SNX29: variants seen among roughly 807,000 people sequenced by gnomAD.
SNX29 encodes the protein sorting nexin-29.
Under a neutral mutation model 102.1 loss-of-function variants are expected in SNX29, and 78 were observed. The observed-to-expected ratio is 0.76, with a 90% CI of 0.64 to 0.92. SNX29 has a LOEUF of 0.92. Ranked by LOEUF, SNX29 falls within the 40% of genes least tolerant of loss-of-function variation. SNX29 has a pLI of 0.00. For missense variants in SNX29, 1,280 were observed against 1,061.7 expected (o/e 1.21, Z -2.86); for synonymous variants, 580 against 414.5 (o/e 1.40, Z -4.85).
At chr16:12,328,107 T>TTGGTAAAATGGAGCTGCA (rs1461434653) in intron 15 of SNX29, among the ~76,000 whole-genome samples, 1 of 152,194 alleles carries the variant, frequency 6.6e-6, no homozygotes, top group African/African-American at 2.4e-5. Flanking sequence ...GAGCTGCACA[T>TTGGTAAAATGGAGCTGCA]ACCTCTCCCT....
In SNX29 at chr16:12,054,785, G is replaced by C. The variant is rs113559863; in HGVS notation, c.1124+2563G>C. On this transcript the variant is annotated intron_variant, in intron 8 of 20. Coordinates refer to ENST00000566228, the MANE Select transcript of SNX29 (RefSeq NM_032167.5). ...CTCTCTCTTCAGGCACACACCCCTTGGTTCCATTTCTCCGCAGAACCGTGG... is the reference window on the plus strand; with the variant it reads ...CTCTCTCTTCAGGCACACACCCCTTCGTTCCATTTCTCCGCAGAACCGTGG... Among the ~76,000 whole-genome samples, 686 of 152,232 alleles carry C rather than the reference G, an allele frequency of 4.5e-3. 11 individuals carry two copies. Among genetic ancestry groups the C allele is most frequent in the African/African-American group, 0.016 (655 of 41,512 alleles).
chr16:12,376,031 T>TTAA (rs2082861129), intron 16 of SNX29: 1 of 5,190 alleles, frequency 1.9e-4, no homozygotes, highest in African/African-American at 1.1e-3. Flanking sequence ...AGACTCCGTC[T>TTAA]CAAAAAAAAA....
At chr16:12,444,847 T>TTTG (rs1555539565) in intron 18 of SNX29, among the ~76,000 whole-genome samples, 66 of 147,428 alleles carry the variant, frequency 4.5e-4, no homozygotes, top group African/African-American at 1.5e-3. Context: ...TTTTTGTTTT[T>TTTG]TTTTTTTTTT....
At position 12,304,288 on chromosome 16, in the gene SNX29, T is replaced by C. The variant is rs2080270957; in HGVS notation, c.1782+26252T>C. On this transcript the variant is annotated intron_variant, in intron 15 of 20. Coordinates refer to ENST00000566228, the MANE Select transcript of SNX29 (RefSeq NM_032167.5). ...GTGGTTTTTGGTTCGGAACTTACTG[T>C]TGGCTTTTTTGTTGTTGTTGCACTC... 2.6e-5 allele frequency among the ~76,000 whole-genome samples: 4 copies of C among 152,264 alleles called. No homozygotes were observed. In the South Asian group the frequency reaches 8.3e-4, roughly 32 times the overall value.
At chr16:12,538,567 G>A (rs904120894) in intron 20 of SNX29, among the ~76,000 whole-genome samples, 1 of 152,172 alleles carries the variant, frequency 6.6e-6, no homozygotes, top group Non-Finnish European at 1.5e-5. Context: ...ACTGGTCTTA[G>A]CTGAGCTGGC....
intron 19 of SNX29, among the ~76,000 whole-genome samples, chr16:12,488,517 G>A (rs1371061117): frequency 6.6e-6 from 1 of 152,122 alleles, no homozygotes; most frequent in Non-Finnish European, 1.5e-5. Context: ...TTGCCTTCTT[G>A]GGATCTGTCA....
At chr16:12,515,754 C>T (rs1450126903) in intron 19 of SNX29, among the ~76,000 whole-genome samples, 2 of 152,068 alleles carry the variant, frequency 1.3e-5, no homozygotes, top group Admixed American at 6.5e-5. Context: ...TTTGCCAATA[C>T]GTTCCTTCAA....
chr16:12,283,639 G>A (rs2079503844), intron 15 of SNX29, among the ~76,000 whole-genome samples: 2 of 152,172 alleles, frequency 1.3e-5, no homozygotes. Context: ...AAAGTCATTG[G>A]TGTTTCATCT....
chr16:12,135,647 C>T, intron 13 of SNX29: 1 of 1,318,308 alleles, frequency 7.6e-7, no homozygotes, highest in South Asian at 1.2e-5. Context: ...CTGATAGTCT[C>T]ATTTGAGCTC....
At chr16:12,303,717 C>T (rs1382363757) in intron 15 of SNX29, among the ~76,000 whole-genome samples, 1 of 152,172 alleles carries the variant, frequency 6.6e-6, no homozygotes, top group African/African-American at 2.4e-5. Flanking sequence ...TCCTCATTTC[C>T]TATATGTAGA....
chr16:12,461,971 AAAAAAAAATATAT>A (rs2086796427), intron 18 of SNX29, among the ~76,000 whole-genome samples: 2 of 73,528 alleles, frequency 2.7e-5, no homozygotes, highest in South Asian at 5.5e-4. Flanking sequence ...AAAAAAAAAA[AAAAAAAAATATAT>A]ATATATATAT....
Position 12,573,709 on chromosome 16 carries a change from A to T in SNX29, c.*5080A>T, listed in dbSNP as rs1333287968. On this transcript the variant is annotated 3_prime_UTR_variant, in exon 21 of 21. Coordinates refer to ENST00000566228, the MANE Select transcript of SNX29 (RefSeq NM_032167.5). ...CCTTGCAAAAATTGGGACTGAGGAC[A>T]GTAGCACACGGAATGGTGGATCGTA... 4 of 223,704 alleles carry T rather than the reference A, an allele frequency of 1.8e-5. No homozygotes were observed. In the East Asian group the frequency reaches 2.6e-4, roughly 14 times the overall value. 13.9% of individuals were successfully genotyped at this position (223,704 alleles called of 1,614,324 possible). A position where few individuals can be genotyped will look rare whatever the true frequency, so the allele number is the denominator to read the frequency against.
chr16:12,455,617 G>C (rs977217610), intron 18 of SNX29, among the ~76,000 whole-genome samples: 2 of 152,220 alleles, frequency 1.3e-5, no homozygotes, highest in Non-Finnish European at 2.9e-5. Flanking sequence ...AGTTTTCGCT[G>C]CTATGAGTGT....
intron 14 of SNX29, among the ~76,000 whole-genome samples, chr16:12,257,501 A>ATCTCCC (rs2078608660): frequency 1.3e-5 from 2 of 149,876 alleles, no homozygotes; most frequent in African/African-American, 4.9e-5. Flanking sequence ...TACCACTAGC[A>ATCTCCC]TCTCTCTCTC....
At chr16:12,522,323 C>G (rs1003074993) in intron 19 of SNX29, among the ~76,000 whole-genome samples, 2 of 145,534 alleles carry the variant, frequency 1.4e-5, no homozygotes, top group African/African-American at 5.3e-5. Context: ...TCTGCCAGCC[C>G]TGGCTCAAAG....
At chr16:12,184,256 G>A (rs1045373814) in intron 13 of SNX29, among the ~76,000 whole-genome samples, 1 of 152,176 alleles carries the variant, frequency 6.6e-6, no homozygotes, top group Non-Finnish European at 1.5e-5. Context: ...TGTTCCTAAA[G>A]TGTCTTTTAT....
At chr16:12,554,589 G>A (rs1326846732) in intron 20 of SNX29, among the ~76,000 whole-genome samples, 1 of 152,148 alleles carries the variant, frequency 6.6e-6, no homozygotes, top group African/African-American at 2.4e-5. Flanking sequence ...AAGACTTGGA[G>A]CTCCCAAGCC....
chr16:12,170,183 G>T (rs1018091265), intron 13 of SNX29, among the ~76,000 whole-genome samples: 4 of 152,084 alleles, frequency 2.6e-5, no homozygotes, highest in Non-Finnish European at 4.4e-5. Flanking sequence ...AATTGCCCCA[G>T]TTGAGAAGCC....
intron 13 of SNX29, among the ~76,000 whole-genome samples, chr16:12,198,259 A>T (rs1035680592): frequency 1.3e-5 from 2 of 152,104 alleles, no homozygotes; most frequent in African/African-American, 4.8e-5. Flanking sequence ...AAAAGCCTTC[A>T]GACATTCACA....
Sources: allele counts gnomAD v4.1 joint callset (sites outside exome capture counted in the v4.1 genomes callset), GRCh38; gene constraint gnomAD v4.1.1; transcripts MANE v1.5; gene names NCBI Gene and HGNC (gene_info 2026-07-23, HGNC 2026-07-21).